The following HDAC9 variants were observed in gnomAD, a reference collection of about 807,000 sequenced individuals.
HDAC9 encodes MEF-2 interacting transcription repressor (MITR) protein.
HDAC9 carries 41 observed loss-of-function variants against 139.4 expected under a neutral mutation model. The ratio of observed to expected loss-of-function variants is 0.29; its 90% CI spans 0.23 to 0.38. HDAC9 has a LOEUF of 0.38. Ranked by LOEUF, HDAC9 falls within the 10% of genes least tolerant of loss-of-function variation. The pLI is 1.00. For missense variants in HDAC9, 1,147 were observed against 1,297.0 expected, an observed-to-expected ratio of 0.88 and a Z score of 1.78; for synonymous variants, 517 against 476.2, an observed-to-expected ratio of 1.09 and a Z score of -1.12.
intron 2 of HDAC9, among the ~76,000 whole-genome samples, chr7:18,554,360 G>A (rs888649181): frequency 7.5e-6 from 1 of 133,362 alleles, no homozygotes; most frequent in Admixed American, 8.2e-5. Context: ...TTTTTGAGAC[G>A]GAGTCTCTGT....
intron 22 of HDAC9, among the ~76,000 whole-genome samples, chr7:18,924,138 A>G (rs972676398): frequency 2.1e-5 from 3 of 139,550 alleles, no homozygotes; most frequent in East Asian, 2.0e-4. Context: ...AAAAGGAAGG[A>G]AAAAAAAAAA....
chr7:18,543,446 C>G (rs1490279892), intron 2 of HDAC9: 1 of 152,292 alleles, frequency 6.6e-6, no homozygotes, highest in African/African-American at 2.4e-5. Context: ...CTTTCCTTCC[C>G]TTTCTGCTTT....
intron 2 of HDAC9, among the ~76,000 whole-genome samples, chr7:18,230,807 G>A (rs1007192): frequency 0.67 from 101,276 of 152,060 alleles, 34,409 homozygotes; most frequent in South Asian, 0.82. Flanking sequence ...TTATTCACTG[G>A]TGGCAGTAAT....
chr7:18,090,691 AGTAGTG>A (rs1458093379), intron 1 of HDAC9, among the ~76,000 whole-genome samples: 2 of 152,198 alleles, frequency 1.3e-5, no homozygotes, highest in Non-Finnish European at 2.9e-5. Flanking sequence ...AGAGGCAGCC[AGTAGTG>A]GTCAGAGATC....
intron 1 of HDAC9, among the ~76,000 whole-genome samples, chr7:18,391,028 G>T (rs1786426668): frequency 6.6e-6 from 1 of 152,130 alleles, no homozygotes; most frequent in African/African-American, 2.4e-5. Flanking sequence ...AGTGGAAGTT[G>T]CAATGAGCCA....
chr7:18,951,199 C>T (rs549594867), intron 23 of HDAC9, among the ~76,000 whole-genome samples: 1 of 152,016 alleles, frequency 6.6e-6, no homozygotes, highest in African/African-American at 2.4e-5. Context: ...ATGATAATGG[C>T]CACAATTTTA....
At chr7:18,378,613 A>G (rs557225653) in intron 1 of HDAC9, among the ~76,000 whole-genome samples, 1 of 152,086 alleles carries the variant, frequency 6.6e-6, no homozygotes, top group Admixed American at 6.5e-5. Flanking sequence ...TTATATATAC[A>G]TATACATATA....
chr7:18,609,808 G>A (rs936544422), intron 6 of HDAC9, among the ~76,000 whole-genome samples: 2 of 142,288 alleles, frequency 1.4e-5, no homozygotes, highest in Non-Finnish European at 3.0e-5. Flanking sequence ...AGGCCCCGGT[G>A]TGTGATGTTC....
intron 2 of HDAC9, among the ~76,000 whole-genome samples, chr7:18,237,093 C>G (rs1258991433): frequency 1.3e-5 from 2 of 152,222 alleles, no homozygotes; most frequent in Non-Finnish European, 2.9e-5. Context: ...GCTTTTTCCA[C>G]TGGTGCAGGT....
At chr7:18,640,761 C>A (rs1210028308) in intron 8 of HDAC9, among the ~76,000 whole-genome samples, 1 of 152,024 alleles carries the variant, frequency 6.6e-6, no homozygotes, top group Non-Finnish European at 1.5e-5. Flanking sequence ...GACACCATGT[C>A]TTTATGGATG....
chr7:18,988,581 G>A lies in HDAC9; in HGVS notation c.3171-7442G>A, dbSNP rs182042935. Among the ~76,000 whole-genome samples, 336 of 152,182 alleles carry A rather than the reference G, an allele frequency of 2.2e-3. 1 individual carries two copies. The highest frequency in any genetic ancestry group is 7.7e-3 in the African/African-American group (318 of 41,504). ...AGTTCTGTAGATGTCTATCAGGTCCGCTTGGTGCAGAGCTGAGTTCAATTC... is the reference window on the plus strand; with the variant it reads ...AGTTCTGTAGATGTCTATCAGGTCCACTTGGTGCAGAGCTGAGTTCAATTC... On this transcript the variant is annotated intron_variant, in intron 25 of 25. Coordinates refer to ENST00000686413, the MANE Select transcript of HDAC9 (RefSeq NM_178425.4).
At chr7:18,139,561 CTG>C (rs1785734537) in intron 1 of HDAC9, among the ~76,000 whole-genome samples, 1 of 152,134 alleles carries the variant, frequency 6.6e-6, no homozygotes, top group Non-Finnish European at 1.5e-5. Flanking sequence ...GTTTTACAAA[CTG>C]TTTTGTAATA....
At chr7:18,970,212 T>G (rs968145006) in intron 24 of HDAC9, among the ~76,000 whole-genome samples, 1 of 152,198 alleles carries the variant, frequency 6.6e-6, no homozygotes, top group African/African-American at 2.4e-5. Flanking sequence ...TATCAGTATA[T>G]TGTATCAGTG....
intron 2 of HDAC9, among the ~76,000 whole-genome samples, chr7:18,169,229 A>G (rs1788232642): frequency 6.6e-6 from 1 of 151,954 alleles, no homozygotes; most frequent in Admixed American, 6.6e-5. Flanking sequence ...GTGCCACTGC[A>G]CCCAGCCTGC....
chr7:18,717,642 A>C (rs1296986802), intron 12 of HDAC9, among the ~76,000 whole-genome samples: 2 of 151,908 alleles, frequency 1.3e-5, no homozygotes, highest in Non-Finnish European at 2.9e-5. Context: ...TGTTGGTCAG[A>C]CTGGTCTCCA....
At chr7:18,682,551 G>T (rs1781959796) in intron 12 of HDAC9, among the ~76,000 whole-genome samples, 1 of 151,828 alleles carries the variant, frequency 6.6e-6, no homozygotes, top group Non-Finnish European at 1.5e-5. Flanking sequence ...TTTTAATATT[G>T]GGAAACACCC....
intron 1 of HDAC9, among the ~76,000 whole-genome samples, chr7:18,101,725 A>G (rs1285375356): frequency 1.3e-5 from 2 of 152,212 alleles, no homozygotes; most frequent in Admixed American, 6.5e-5. Context: ...TGATGCTTTT[A>G]TCACTGTCCT....
intron 17 of HDAC9, among the ~76,000 whole-genome samples, chr7:18,821,945 C>T (rs1795006169): frequency 6.6e-6 from 1 of 152,168 alleles, no homozygotes; most frequent in African/African-American, 2.4e-5. Context: ...CAGGAACAGC[C>T]AGATGGAAGA....
In HDAC9 at chr7:18,333,379, G is replaced by A. The variant is rs1006670289; in HGVS notation, c.-42+42864G>A. 3.3e-5 allele frequency among the ~76,000 whole-genome samples: 5 copies of A among 151,374 alleles called. No individual in the cohort carries two copies. In the Admixed American group the frequency reaches 3.3e-4, roughly 10 times the overall value. ...AGTTAATAAAATTGTACAGTATTAG[G>A]GATTTTTGTTAAGTAGATTTTAGCT... On this transcript the variant is annotated intron_variant, in intron 1 of 3. Coordinates refer to the HDAC9 transcript ENST00000413509.
Sources: allele counts gnomAD v4.1 joint callset (sites outside exome capture counted in the v4.1 genomes callset), GRCh38; gene constraint gnomAD v4.1.1; transcripts MANE v1.5; gene names NCBI Gene and HGNC (gene_info 2026-07-23, HGNC 2026-07-21).